Variants in VOPP1 observed in about 807,000 individuals in gnomAD.
VOPP1 encodes the protein WW domain binding protein VOPP1.
A neutral mutation model predicts 23.5 loss-of-function variants in VOPP1; 8 were observed. That is an observed-to-expected ratio of 0.34 (90% CI 0.20 to 0.61). VOPP1 has a LOEUF of 0.61. VOPP1 is among the 20% of genes least tolerant of loss of function. The probability of loss-of-function intolerance (pLI) is 0.78; values close to 1 mark genes in which losing one functional copy is unlikely to be tolerated. For synonymous variants in VOPP1, 83 were observed against 97.3 expected, an observed-to-expected ratio of 0.85 and a Z score of 0.86; for missense variants, 174 against 238.1, an observed-to-expected ratio of 0.73 and a Z score of 1.77.
At chr7:55,459,251 G>C (rs1721631671) in intron 4 of VOPP1, among the ~76,000 whole-genome samples, 1 of 151,952 alleles carries the variant, frequency 6.6e-6, no homozygotes, top group South Asian at 2.1e-4. Context: ...TTATCTTTTT[G>C]GTGTACTGTT....
intron 4 of VOPP1, among the ~76,000 whole-genome samples, chr7:55,443,566 A>C (rs979830801): frequency 3.3e-5 from 5 of 152,124 alleles, no homozygotes; most frequent in African/African-American, 7.2e-5. Context: ...AAAACAAAAC[A>C]AAACCAAACA....
intron 3 of VOPP1, among the ~76,000 whole-genome samples, chr7:55,493,499 AGT>A (rs1177820284): frequency 2.0e-5 from 3 of 152,252 alleles, no homozygotes; most frequent in Non-Finnish European, 4.4e-5. Context: ...CCAGTCCAAA[AGT>A]ATTTACTGGA....
chr7:55,500,636 CCA>C (rs578064705), intron 2 of VOPP1, among the ~76,000 whole-genome samples: 1,673 of 152,274 alleles, frequency 0.011, 11 homozygotes, highest in Middle Eastern at 0.02. Context: ...TACTACACAG[CCA>C]CAGAGTCAAG....
At chr7:55,570,924 A>T (rs1235472224) in intron 1 of VOPP1, among the ~76,000 whole-genome samples, 5 of 152,176 alleles carry the variant, frequency 3.3e-5, no homozygotes, top group Non-Finnish European at 7.3e-5. Flanking sequence ...CCTGGGCCAC[A>T]GAACGAGACT....
At chr7:55,499,898 G>A (rs1794248959) in intron 2 of VOPP1, among the ~76,000 whole-genome samples, 1 of 152,150 alleles carries the variant, frequency 6.6e-6, no homozygotes, top group Non-Finnish European at 1.5e-5. Flanking sequence ...ATTCTCCGAG[G>A]CCTTCCCCTA....
chr7:55,545,573 C>T (rs1797331356), intron 1 of VOPP1, among the ~76,000 whole-genome samples: 1 of 152,218 alleles, frequency 6.6e-6, no homozygotes, highest in Admixed American at 6.5e-5. Flanking sequence ...TGACTACACT[C>T]CAGTATGACT....
chr7:55,475,327 G>A (rs1225879362), intron 4 of VOPP1, among the ~76,000 whole-genome samples: 1 of 152,130 alleles, frequency 6.6e-6, no homozygotes, highest in African/African-American at 2.4e-5. Context: ...TGTGGGGTGT[G>A]GCCCTGAAAA....
chr7:55,492,211 C>T lies in VOPP1; in HGVS notation c.328+71G>A, dbSNP rs1583902425. The T allele has an allele frequency of 2.6e-6, 4 of 1,531,292 alleles. No homozygotes were observed. In the African/African-American group the frequency reaches 5.5e-5, roughly 21 times the overall value. The allele number at this position is 1,531,292 out of a possible 1,614,324, so 94.9% of individuals were successfully genotyped here. ...TCTTCTGGCAGTACCCTTTCTGCAGCAGTACCCTTTATAAATGTTGGCAGA... is the reference window on the plus strand; with the variant it reads ...TCTTCTGGCAGTACCCTTTCTGCAGTAGTACCCTTTATAAATGTTGGCAGA... On this transcript the variant is annotated intron_variant, in intron 4 of 4. Transcript: ENST00000285279.
At chr7:55,552,662 C>T (rs1030536504) in intron 1 of VOPP1, 5 of 1,536,068 alleles carry the variant, frequency 3.3e-6, no homozygotes, top group Non-Finnish European at 4.4e-6. Flanking sequence ...CCATATGACA[C>T]CGCCTTCCAA....
At position 55,521,747 on chromosome 7, in the gene VOPP1, G is replaced by C. The variant is rs1429153867; in HGVS notation, c.55-617C>G. On this transcript the variant is annotated intron_variant, in intron 1 of 4. Coordinates refer to ENST00000285279, the MANE Select transcript of VOPP1 (RefSeq NM_030796.5). ...AGCCCCACAGGGCAGGGCAGGGCAGGGCAGGGCAGGGTGGGTGAGTGCACA... is the reference window on the plus strand; with the variant it reads ...AGCCCCACAGGGCAGGGCAGGGCAGCGCAGGGCAGGGTGGGTGAGTGCACA... 4 of 986,536 alleles carry C rather than the reference G, an allele frequency of 4.1e-6. No individual in the cohort carries two copies. The African/African-American group carries it at 7.0e-5, about 17-fold the overall frequency. The allele number at this position is 986,536 out of a possible 1,614,324, so 61.1% of individuals were successfully genotyped here.
chr7:55,500,471 C>G (rs1794290181), intron 2 of VOPP1, among the ~76,000 whole-genome samples: 2 of 152,242 alleles, frequency 1.3e-5, no homozygotes, highest in Non-Finnish European at 2.9e-5. Context: ...GGACTCCAAG[C>G]TCCAGGTGAG....
At chr7:55,566,440 T>C (rs1366573432) in intron 1 of VOPP1, among the ~76,000 whole-genome samples, 1 of 151,876 alleles carries the variant, frequency 6.6e-6, no homozygotes, top group Non-Finnish European at 1.5e-5. Flanking sequence ...CGTGTACCTG[T>C]AATCCCAGCT....
intron 2 of VOPP1, among the ~76,000 whole-genome samples, chr7:55,519,856 G>A (rs1320189018): frequency 6.6e-6 from 1 of 152,202 alleles, no homozygotes; most frequent in East Asian, 1.9e-4. Context: ...GGCTGGGCGA[G>A]GTGACTCACG....
rs115092440 is a variant in VOPP1, at chr7:55,530,522, C to A, written c.55-9392G>T. ...GGTCTCGAAGAGGTGAATTGACTTG[C>A]AAAGGTGACACAGGAGCAAGCTGAA... On this transcript the variant is annotated intron_variant, in intron 1 of 4. Coordinates refer to ENST00000285279, the MANE Select transcript of VOPP1 (RefSeq NM_030796.5). Among the ~76,000 whole-genome samples the A allele has an allele frequency of 4.5e-3, 683 of 152,204 alleles. 5 individuals are homozygous for A. The highest frequency in any genetic ancestry group is 0.016 in the African/African-American group (655 of 41,516).
chr7:55,449,274 C>G (rs1343791476), intron 4 of VOPP1, among the ~76,000 whole-genome samples: 1 of 152,198 alleles, frequency 6.6e-6, no homozygotes, highest in Admixed American at 6.5e-5. Context: ...GGAGGGCCCG[C>G]GCTTCTCCCG....
At chr7:55,565,315 ATCAAACAC>A (rs1386779821) in intron 1 of VOPP1, among the ~76,000 whole-genome samples, 1 of 152,236 alleles carries the variant, frequency 6.6e-6, no homozygotes. Flanking sequence ...AGGACAGATC[ATCAAACAC>A]TTCAAAACCA....
chr7:55,531,901 C>T (rs1342932761), intron 1 of VOPP1, among the ~76,000 whole-genome samples: 1 of 152,238 alleles, frequency 6.6e-6, no homozygotes, highest in African/African-American at 2.4e-5. Context: ...AGATCCAAAA[C>T]TCAACCACCA....
At chr7:55,545,238 A>T (rs1040647260) in intron 1 of VOPP1, among the ~76,000 whole-genome samples, 2 of 152,212 alleles carry the variant, frequency 1.3e-5, no homozygotes, top group Non-Finnish European at 2.9e-5. Context: ...AAAGTCACCT[A>T]TGGTCAATGT....
chr7:55,463,236 A>G (rs1000156435), intron 4 of VOPP1, among the ~76,000 whole-genome samples: 10 of 152,214 alleles, frequency 6.6e-5, no homozygotes, highest in Non-Finnish European at 1.3e-4. Flanking sequence ...AACTTGTTTA[A>G]TAACATTATT....
Sources: gnomAD v4.1 joint callset for allele counts (sites outside exome capture counted in the v4.1 genomes callset) on GRCh38, gnomAD v4.1.1 for gene constraint, MANE v1.5 for transcripts, NCBI Gene and HGNC (gene_info 2026-07-23, HGNC 2026-07-21) for gene names.